The following PAPSS1 variants were observed in gnomAD, a reference collection of about 807,000 sequenced individuals.
The protein encoded by PAPSS1 is 3'-phosphoadenosine 5'-phosphosulfate synthase 1.
PAPSS1 carries 50 observed loss-of-function variants against 72.0 expected under a neutral mutation model. That is an observed-to-expected ratio of 0.69 (90% CI 0.55 to 0.88). PAPSS1 has a LOEUF of 0.88. Among genes scored for constraint, PAPSS1 ranks in the 40% least tolerant of loss-of-function variants. The pLI, the probability that PAPSS1 is intolerant of heterozygous loss-of-function variation, is 0.00. For synonymous variants in PAPSS1, 261 were observed against 263.6 expected (o/e 0.99, Z 0.09); for missense variants, 657 against 782.2 (o/e 0.84, Z 1.91).
chr4:107,716,020 C>T (rs1723631114), intron 1 of PAPSS1, among the ~76,000 whole-genome samples: 1 of 152,154 alleles, frequency 6.6e-6, no homozygotes, highest in East Asian at 1.9e-4. Context: ...GGAGCTTATT[C>T]CGTTACTTAA....
intron 3 of PAPSS1, among the ~76,000 whole-genome samples, chr4:107,689,016 C>T (rs1722854566): frequency 1.3e-5 from 2 of 152,196 alleles, no homozygotes; most frequent in Admixed American, 1.3e-4. Context: ...GATGTTACTT[C>T]TAAATATTAC....
chr4:107,719,941 C>A, intron 1 of PAPSS1, 179 bp downstream of exon 1: 1 of 1,383,408 alleles, frequency 7.2e-7, no homozygotes, highest in Non-Finnish European at 9.3e-7. Context: ...CCCTGCGCCG[C>A]GCCCCTCTGC....
chr4:107,630,618 A>G (rs780478935), intron 11 of PAPSS1, among the ~76,000 whole-genome samples: 4 of 152,186 alleles, frequency 2.6e-5, no homozygotes, highest in Non-Finnish European at 4.4e-5. Flanking sequence ...GGATAAATAC[A>G]ATGTTCAATA....
intron 11 of PAPSS1, among the ~76,000 whole-genome samples, chr4:107,627,162 A>G (rs1460145559): frequency 6.6e-6 from 1 of 152,226 alleles, no homozygotes; most frequent in Non-Finnish European, 1.5e-5. Flanking sequence ...CCAACTGATC[A>G]TGCAAAGAGA....
rs1553922165 is a variant in PAPSS1, at chr4:107,701,013, A to AAT, written c.175+157_175+158insAT. 3.9e-5 allele frequency among the ~76,000 whole-genome samples: 6 copies of AAT among 151,984 alleles called. No homozygotes were observed. In the East Asian group the frequency reaches 5.8e-4, roughly 15 times the overall value. On this transcript the variant is annotated intron_variant, in intron 2 of 11. Coordinates refer to ENST00000265174, the MANE Select transcript of PAPSS1 (RefSeq NM_005443.5). Reference sequence around the variant, plus strand: ...CAATCCTATAAAAGAACAAAAAAAAAAATAACAAGAAATATTATTAAGCAA... The same window carrying AAT: ...CAATCCTATAAAAGAACAAAAAAAAAATAATAACAAGAAATATTATTAAGCAA...
At chr4:107,632,529 T>C (rs1449335988) in intron 10 of PAPSS1, among the ~76,000 whole-genome samples, 4 of 150,664 alleles carry the variant, frequency 2.7e-5, no homozygotes, top group Non-Finnish European at 4.4e-5. Flanking sequence ...AAAAGATTGG[T>C]TGTGAGTAAA....
chr4:107,710,797 G>A (rs754107277), intron 1 of PAPSS1, among the ~76,000 whole-genome samples: 6 of 152,156 alleles, frequency 3.9e-5, no homozygotes, highest in Non-Finnish European at 8.8e-5. Flanking sequence ...CTGCAAAGAT[G>A]GACAGCTCTG....
At chr4:107,630,582 G>A (rs1366908350) in intron 11 of PAPSS1, among the ~76,000 whole-genome samples, 4 of 152,176 alleles carry the variant, frequency 2.6e-5, no homozygotes, top group African/African-American at 9.7e-5. Context: ...CCAGTCTCAT[G>A]TCGTTTTTTA....
intron 4 of PAPSS1, among the ~76,000 whole-genome samples, chr4:107,683,371 A>G (rs978328468): frequency 1.3e-5 from 2 of 152,168 alleles, no homozygotes; most frequent in African/African-American, 2.4e-5. Flanking sequence ...TGGGAAAAAA[A>G]AAAATAATTC....
chr4:107,629,533 A>G (rs1726179887), intron 11 of PAPSS1, among the ~76,000 whole-genome samples: 1 of 152,220 alleles, frequency 6.6e-6, no homozygotes, highest in African/African-American at 2.4e-5. Context: ...CTACACCCAG[A>G]TCAGCTGCAG....
chr4:107,713,993 G>A (rs1252995815), intron 1 of PAPSS1, among the ~76,000 whole-genome samples: 3 of 151,884 alleles, frequency 2.0e-5, no homozygotes, highest in Non-Finnish European at 4.4e-5. Context: ...GATTACCACC[G>A]ACAAGATTTC....
chr4:107,633,844 G>T (rs968978588), intron 10 of PAPSS1, among the ~76,000 whole-genome samples: 2 of 151,576 alleles, frequency 1.3e-5, no homozygotes, highest in East Asian at 3.9e-4. Context: ...GCGTGAACCC[G>T]GGAGGCGGAG....
intron 11 of PAPSS1, among the ~76,000 whole-genome samples, chr4:107,619,430 C>T (rs1725901774): frequency 6.6e-6 from 1 of 152,224 alleles, no homozygotes; most frequent in Non-Finnish European, 1.5e-5. Flanking sequence ...CTCATACTTA[C>T]ATTTCCATCT....
chr4:107,681,110 CT>C (rs1346750349), intron 5 of PAPSS1, among the ~76,000 whole-genome samples: 1 of 151,870 alleles, frequency 6.6e-6, no homozygotes, highest in Non-Finnish European at 1.5e-5. Flanking sequence ...GTAAGATACA[CT>C]AGATGAAAGA....
intron 10 of PAPSS1, among the ~76,000 whole-genome samples, chr4:107,633,314 T>C (rs1189888159): frequency 6.6e-6 from 1 of 151,356 alleles, no homozygotes; most frequent in Non-Finnish European, 1.5e-5. Context: ...AAATGAAACA[T>C]GTGAGGTCTT....
chr4:107,653,737 G>GA, intron 8 of PAPSS1, 111 bp from the exon 9 acceptor site: 3 of 716,176 alleles, frequency 4.2e-6, no homozygotes, highest in Non-Finnish European at 6.3e-6. Flanking sequence ...TCTTAAATGA[G>GA]GTAAATCTGA....
chr4:107,696,416 G>A (rs1007641684), intron 2 of PAPSS1, among the ~76,000 whole-genome samples: 7 of 152,078 alleles, frequency 4.6e-5, no homozygotes, highest in South Asian at 2.1e-4. Flanking sequence ...AGATCATGTC[G>A]TCTGCAGGGA....
At chr4:107,614,915 T>C (rs1354389023) in intron 11 of PAPSS1, among the ~76,000 whole-genome samples, 1 of 152,036 alleles carries the variant, frequency 6.6e-6, no homozygotes, top group Non-Finnish European at 1.5e-5. Flanking sequence ...CATACCTGCA[T>C]TGCCCCTCTG....
chr4:107,657,252 T>C (rs1223339873), intron 6 of PAPSS1, among the ~76,000 whole-genome samples: 1 of 152,178 alleles, frequency 6.6e-6, no homozygotes, highest in Non-Finnish European at 1.5e-5. Context: ...CTAGTGGTTC[T>C]CAAACTTTAC....
Sources: allele counts gnomAD v4.1 joint callset (sites outside exome capture counted in the v4.1 genomes callset), GRCh38; gene constraint gnomAD v4.1.1; transcripts MANE v1.5; gene names NCBI Gene and HGNC (gene_info 2026-07-23, HGNC 2026-07-21).